ATP2A2: variants seen among roughly 807,000 people sequenced by gnomAD.
The protein encoded by ATP2A2 is sarcoplasmic/endoplasmic reticulum calcium ATPase 2.
In ATP2A2, 14 loss-of-function variants were observed where a neutral mutation model predicts 109.3. That is an observed-to-expected ratio of 0.13 (90% CI 0.08 to 0.20). The LOEUF is 0.20. ATP2A2 is among the 10% of genes least tolerant of loss of function. ATP2A2 has a pLI of 1.00. For missense variants in ATP2A2, 657 were observed against 1,321.6 expected, an observed-to-expected ratio of 0.50 and a Z score of 7.80; for synonymous variants, 506 against 490.9, an observed-to-expected ratio of 1.03 and a Z score of -0.41.
intron 16 of ATP2A2, among the ~76,000 whole-genome samples, chr12:110,344,163 A>AT: frequency 6.6e-6 from 1 of 152,198 alleles, no homozygotes; most frequent in Admixed American, 6.5e-5. Context: ...ATATCCGGAC[A>AT]TGCGTAGTGC....
In ATP2A2 at chr12:110,346,088, C is replaced by T; in HGVS notation, c.2829C>T (p.His943=). 6.2e-7 allele frequency: 1 copy of T among 1,614,228 alleles called. No individual in the cohort carries two copies. The part of the protein sequence containing the change: ...VGSICLSMSL[H]FLILYVEPLP... ...CCATCTGCCTGTCCATGTCACTCCA[C>T]TTCCTGATCCTCTATGTCGAACCCT... is the stretch of plus-strand genomic sequence containing the variant. Residue 943 remains histidine, a synonymous_variant, in exon 19 of 20, where the codon CAC becomes CAT. Transcript: ENST00000539276.
intron 4 of ATP2A2, among the ~76,000 whole-genome samples, chr12:110,293,871 T>TATATATATATATATATATATATA (rs1491495436): frequency 2.5e-5 from 2 of 79,520 alleles, no homozygotes; most frequent in African/African-American, 5.9e-5. Flanking sequence ...TGTGTATATA[T>TATATATATATATATATATATATA]TTTTTTTTTT....
Position 110,327,988 on chromosome 12 carries a change from C to G in ATP2A2, c.1066C>G (p.Leu356Val). 1 of 1,614,034 alleles carries G rather than the reference C, an allele frequency of 6.2e-7. No individual in the cohort carries two copies. The highest frequency in any genetic ancestry group is 1.3e-5 in the African/African-American group (1 of 75,048). The change falls in exon 8 of 20, where the codon CTT becomes GTT. Residue 356 changes from leucine to valine, a missense_variant. By Grantham distance (32) the Leu-to-Val change is conservative. This residue lies in a region of ATP2A2 where 46 missense variants were observed against 62.0 expected (regional missense o/e 0.74). Coordinates refer to ENST00000539276, the MANE Select transcript of ATP2A2 (RefSeq NM_170665.4). The surrounding 1 kb of genome is among the most constrained non-coding windows in gnomAD (Gnocchi z 4.4). ...SVICSDKTGT[L>V]TTNQMSVCRM... The stretch of plus-strand genomic sequence containing the variant: ...TATCTGCTCAGACAAGACTGGTACA[C>G]TTACAACAAACCAGATGTCAGTCTG...
intron 6 of ATP2A2, among the ~76,000 whole-genome samples, chr12:110,325,078 G>C (rs1289333870): frequency 6.6e-6 from 1 of 151,826 alleles, no homozygotes; most frequent in Non-Finnish European, 1.5e-5. Context: ...CCCCCAAAGT[G>C]CTGGGATTAC....
rs374422427 is a variant in ATP2A2 at position 110,350,252 on chromosome 12, G to C, written c.*3782G>C. On this transcript the variant is annotated 3_prime_UTR_variant, in exon 20 of 20. Coordinates refer to ENST00000539276, the MANE Select transcript of ATP2A2 (RefSeq NM_170665.4). ...ATAGGTATTCTAACGTTTCCTCTCT[G>C]TATTTCATGAAGCTGATTTCCTCTC... 25 of 1,613,954 alleles carry C rather than the reference G, an allele frequency of 1.5e-5. No individual in the cohort carries two copies. In the African/African-American group the frequency reaches 1.9e-4, roughly 12 times the overall value.
chr12:110,323,091 G>A lies in ATP2A2; in HGVS notation c.544+19G>A, dbSNP rs1477629403. On this transcript the variant is annotated intron_variant, in intron 6 of 19. Transcript: ENST00000539276. Reference sequence around the variant, plus strand: ...CTCACAGGTAAATATGATATATTAAGTCATTGAATTTCTGAAGACCTTCGC... The same window carrying A: ...CTCACAGGTAAATATGATATATTAAATCATTGAATTTCTGAAGACCTTCGC... 1 of 1,577,854 alleles carries A rather than the reference G, an allele frequency of 6.3e-7. No individual in the cohort carries two copies. The highest frequency in any genetic ancestry group is 1.4e-5 in the African/African-American group (1 of 74,026).
At chr12:110,323,410 C>T (rs1877448154) in intron 6 of ATP2A2, among the ~76,000 whole-genome samples, 1 of 152,132 alleles carries the variant, frequency 6.6e-6, no homozygotes, top group Non-Finnish European at 1.5e-5. Flanking sequence ...GTCTTGAACT[C>T]CTGACCTCAG....
intron 11 of ATP2A2, among the ~76,000 whole-genome samples, chr12:110,335,055 CTT>C: frequency 6.6e-6 from 1 of 152,140 alleles, no homozygotes; most frequent in Non-Finnish European, 1.5e-5. Context: ...CTGTCAGAGT[CTT>C]TGAGACAGGG....
At position 110,349,245 on chromosome 12, in the gene ATP2A2, T is replaced by C. The variant is rs562002368; in HGVS notation, c.*2775T>C. Reference sequence around the variant, plus strand: ...AAGACCAGGTCCAGCACCGTGGTCTTGGCACATCCCTGGCCTCAGGCCCTC... The same window carrying C: ...AAGACCAGGTCCAGCACCGTGGTCTCGGCACATCCCTGGCCTCAGGCCCTC... On this transcript the variant is annotated 3_prime_UTR_variant, in exon 20 of 20. Transcript: ENST00000539276. The C allele has an allele frequency of 2.5e-5, 25 of 985,440 alleles. No homozygotes were observed. The highest frequency in any genetic ancestry group is 3.0e-5 in the Non-Finnish European group (25 of 830,008). 61.0% of individuals were successfully genotyped at this position (985,440 alleles called of 1,614,324 possible).
At chr12:110,287,087 T>C (rs1872734240) in intron 3 of ATP2A2, among the ~76,000 whole-genome samples, 1 of 152,096 alleles carries the variant, frequency 6.6e-6, no homozygotes, top group Non-Finnish European at 1.5e-5. Context: ...ACCCCACCTG[T>C]ACTAAAAATA....
At chr12:110,333,062 C>T in intron 9 of ATP2A2, 119 bp from the exon 10 acceptor site, 1 of 907,868 alleles carries the variant, frequency 1.1e-6, no homozygotes, top group South Asian at 1.3e-5. Flanking sequence ...GGAATTTTTT[C>T]CAGTATGTTG....
Position 110,339,460 on chromosome 12 carries a change from C to T in ATP2A2, c.1543-43C>T, listed in dbSNP as rs1464195224. 4.3e-6 allele frequency: 7 copies of T among 1,613,952 alleles called. No homozygotes were observed. The highest frequency in any genetic ancestry group is 5.9e-6 in the Non-Finnish European group (7 of 1,179,988). On this transcript the variant is annotated intron_variant, in intron 12 of 19. Transcript: ENST00000539276. The surrounding 1 kb of genome is among the most constrained non-coding windows in gnomAD (Gnocchi z 4.4). ...TTGCCAGGGTTAAGATCCCGGTGAA[C>T]CAATAAAACAAAATTGTTTATCTAA... is the stretch of plus-strand genomic sequence containing the variant.
chr12:110,326,466 G>C lies in ATP2A2; in HGVS notation c.621G>C (p.Met207Ile), dbSNP rs1877812850. 6.2e-7 allele frequency: 1 copy of C among 1,611,392 alleles called. No individual in the cohort carries two copies. Among genetic ancestry groups the C allele is most frequent in the Admixed American group, 1.7e-5 (1 of 59,944 alleles). ...PRAVNQDKKN[M>I]LFSGTNIAAG... ...CTGTCAACCAAGATAAAAAGAACATGCTGTTTTCTGTAAGTACTTTATGAA... is the reference window on the plus strand; with the variant it reads ...CTGTCAACCAAGATAAAAAGAACATCCTGTTTTCTGTAAGTACTTTATGAA... Residue 207 changes from methionine to isoleucine, a missense_variant, in exon 7 of 20, where the codon ATG becomes ATC. Physicochemically the swap from Met to Ile is conservative, Grantham distance 10 (BLOSUM62 1). Transcript: ENST00000539276.
intron 1 of ATP2A2, 47 bp downstream of exon 1, chr12:110,281,954 G>A (rs1443399783): frequency 6.7e-7 from 1 of 1,482,796 alleles, no homozygotes; most frequent in Non-Finnish European, 9.1e-7. Flanking sequence ...GGCCGGGAGA[G>A]CCAGGGAAGA....
At chr12:110,338,814 C>G (rs1219263556) in intron 11 of ATP2A2, among the ~76,000 whole-genome samples, 1 of 152,186 alleles carries the variant, frequency 6.6e-6, no homozygotes, top group African/African-American at 2.4e-5. Flanking sequence ...TAATGACCTG[C>G]TTCTACCATC....
At chr12:110,292,202 T>G in intron 4 of ATP2A2, 78 bp downstream of exon 4, 1 of 1,073,464 alleles carries the variant, frequency 9.3e-7, no homozygotes, top group East Asian at 2.4e-5. Context: ...TTCTGTTATC[T>G]GTTTTTCCTG....
intron 8 of ATP2A2, chr12:110,331,863 G>A (rs1227412054): frequency 6.6e-6 from 1 of 152,132 alleles, no homozygotes; most frequent in African/African-American, 2.4e-5. Flanking sequence ...ATTATAATTT[G>A]TGAATGCAAA....
intron 8 of ATP2A2, chr12:110,330,791 A>G (rs1878258307): frequency 6.6e-6 from 1 of 152,228 alleles, no homozygotes; most frequent in Non-Finnish European, 1.5e-5. Flanking sequence ...GTGGTATTGC[A>G]TAACTGCCCT....
rs1045691361 is a variant in ATP2A2 at position 110,350,240 on chromosome 12, C to T, written c.*3770C>T. On this transcript the variant is annotated 3_prime_UTR_variant, in exon 20 of 20. Coordinates refer to ENST00000539276, the MANE Select transcript of ATP2A2 (RefSeq NM_170665.4). ...TCATCTATTTAAATAGGTATTCTAA[C>T]GTTTCCTCTCTGTATTTCATGAAGC... 6.9e-5 allele frequency: 111 copies of T among 1,614,024 alleles called. No individual in the cohort carries two copies. The highest frequency in any genetic ancestry group is 3.5e-4 in the South Asian group (32 of 91,082).
Sources: allele counts gnomAD v4.1 joint callset (sites outside exome capture counted in the v4.1 genomes callset), GRCh38; gene constraint gnomAD v4.1.1; regional missense constraint gnomAD v4.1.1; non-coding constraint Gnocchi (gnomAD v3.1); transcripts MANE v1.5; gene names NCBI Gene and HGNC (gene_info 2026-07-23, HGNC 2026-07-21).